Variants in PRKN observed in about 807,000 individuals in gnomAD.
PRKN encodes the protein E3 ubiquitin-protein ligase parkin.
In PRKN, 56 loss-of-function variants were observed where a neutral mutation model predicts 59.5. That is an observed-to-expected ratio of 0.94 (90% CI 0.76 to 1.18). The LOEUF is 1.18. Ranked by LOEUF, PRKN falls within the 50% of genes most tolerant of loss-of-function variation. The pLI is 0.00. For missense variants in PRKN, 657 were observed against 596.4 expected (o/e 1.10, Z -1.06); for synonymous variants, 250 against 222.1 (o/e 1.13, Z -1.12).
At chr6:161,663,173 C>T (rs1784608643) in intron 7 of PRKN, among the ~76,000 whole-genome samples, 1 of 152,160 alleles carries the variant, frequency 6.6e-6, no homozygotes, top group Admixed American at 6.5e-5. Flanking sequence ...ACTGTGAGTC[C>T]ATTATGCCTC....
At chr6:162,304,297 C>T in intron 2 of PRKN, among the ~76,000 whole-genome samples, 1 of 150,602 alleles carries the variant, frequency 6.6e-6, no homozygotes, top group East Asian at 1.9e-4. Flanking sequence ...CCTATGTACA[C>T]ACTATAGAAA....
chr6:161,710,068 T>C (rs1180196371), intron 7 of PRKN, among the ~76,000 whole-genome samples: 5 of 152,042 alleles, frequency 3.3e-5, no homozygotes, highest in Non-Finnish European at 7.4e-5. Context: ...AAATTGGTAT[T>C]TGCATATATT....
chr6:161,642,572 A>T (rs534219048), intron 7 of PRKN, among the ~76,000 whole-genome samples: 12 of 152,132 alleles, frequency 7.9e-5, no homozygotes, highest in South Asian at 4.1e-4. Flanking sequence ...ATCACTTTTT[A>T]AAAAAAGACA....
chr6:162,165,184 G>C (rs534556315), intron 4 of PRKN, among the ~76,000 whole-genome samples: 11 of 148,724 alleles, frequency 7.4e-5, no homozygotes, highest in Non-Finnish European at 1.2e-4. Context: ...TACATATGTT[G>C]GATCCTAAAC....
rs550173775 is a variant in PRKN at position 161,837,575 on chromosome 6, TA to T, written c.735-51668del. 2.3e-3 allele frequency among the ~76,000 whole-genome samples: 321 copies of T among 136,816 alleles called. 3 individuals are homozygous for T. Among genetic ancestry groups the T allele is most frequent in the East Asian group, 0.012 (57 of 4,740 alleles). The allele number at this position is 136,816 out of a possible 152,430, so 89.8% of individuals were successfully genotyped here. Reference sequence around the variant, plus strand: ...CTGGGTGTCTGGGTTTTTTTTCCTTTAAAAAAAAAAAAAACAACCCATACAT... The same window carrying T: ...CTGGGTGTCTGGGTTTTTTTTCCTTTAAAAAAAAAAAAACAACCCATACAT... On this transcript the variant is annotated intron_variant, in intron 6 of 11. Transcript: ENST00000366898.
At chr6:162,572,334 T>G (rs1264686806) in intron 1 of PRKN, among the ~76,000 whole-genome samples, 2 of 152,176 alleles carry the variant, frequency 1.3e-5, no homozygotes, top group African/African-American at 4.8e-5. Flanking sequence ...TCAGCACTCG[T>G]GAAAAAGAAT....
At chr6:162,038,702 G>A (rs1783941682) in intron 5 of PRKN, among the ~76,000 whole-genome samples, 1 of 152,186 alleles carries the variant, frequency 6.6e-6, no homozygotes, top group South Asian at 2.1e-4. Context: ...TGTCACTGAT[G>A]TTGACTTGAA....
chr6:162,037,818 T>G (rs1160595855), intron 5 of PRKN, among the ~76,000 whole-genome samples: 1 of 152,076 alleles, frequency 6.6e-6, no homozygotes, highest in Non-Finnish European at 1.5e-5. Context: ...GTGCTGGGAT[T>G]ACAGGCATGA....
intron 7 of PRKN, among the ~76,000 whole-genome samples, chr6:161,680,771 A>ATTTTTTTTTT (rs1174510072): frequency 1.1e-4 from 2 of 18,070 alleles, no homozygotes; most frequent in African/African-American, 3.2e-4. Flanking sequence ...ATATATATAT[A>ATTTTTTTTTT]TATATTTTTT....
At chr6:162,640,985 T>A (rs1339743680) in intron 1 of PRKN, among the ~76,000 whole-genome samples, 1 of 152,142 alleles carries the variant, frequency 6.6e-6, no homozygotes, top group African/African-American at 2.4e-5. Flanking sequence ...AATTTCTTTT[T>A]TGGGATAGAG....
chr6:161,937,356 C>T (rs529986419), intron 6 of PRKN, among the ~76,000 whole-genome samples: 3 of 152,138 alleles, frequency 2.0e-5, no homozygotes, highest in Non-Finnish European at 2.9e-5. Context: ...ACACTGATAT[C>T]AACTCATATA....
intron 6 of PRKN, among the ~76,000 whole-genome samples, chr6:161,850,574 CAA>C (rs10651778): frequency 4.5e-5 from 4 of 88,260 alleles, no homozygotes; most frequent in African/African-American, 9.2e-5. Flanking sequence ...GACTACGTCT[CAA>C]AAAAAAAAAA....
At chr6:162,533,970 CAAA>C (rs139214272) in intron 1 of PRKN, among the ~76,000 whole-genome samples, 10 of 82,904 alleles carry the variant, frequency 1.2e-4, no homozygotes, top group Non-Finnish European at 1.3e-4. Context: ...GACTCCATCT[CAAA>C]AAAAAAAAAA....
At position 161,462,153 on chromosome 6, in the gene PRKN, C is replaced by T. The variant is rs139451422; in HGVS notation, c.1084-75276G>A. ...GTAGGGACCTACACATGCTTTGTCT[C>T]ATCCTTTTCATCTTTGCACAATATT... On this transcript the variant is annotated intron_variant, in intron 9 of 11. Transcript: ENST00000366898. The surrounding 1 kb of genome is among the most constrained non-coding windows in gnomAD (Gnocchi z 4.5). Among the ~76,000 whole-genome samples the T allele has an allele frequency of 4.3e-4, 65 of 152,336 alleles. No homozygotes were observed. The East Asian group carries it at 0.012, about 29-fold the overall frequency.
intron 1 of PRKN, among the ~76,000 whole-genome samples, chr6:162,457,728 T>C (rs1790946378): frequency 1.3e-5 from 2 of 151,018 alleles, no homozygotes; most frequent in African/African-American, 4.9e-5. Context: ...GTGTTTGTCT[T>C]ATTAATAATG....
intron 6 of PRKN, among the ~76,000 whole-genome samples, chr6:161,871,451 A>G (rs1295162079): frequency 6.6e-6 from 1 of 152,200 alleles, no homozygotes; most frequent in African/African-American, 2.4e-5. Flanking sequence ...GCACACACTT[A>G]GAACTCAGGG....
intron 1 of PRKN, among the ~76,000 whole-genome samples, chr6:162,546,664 G>C (rs533369785): frequency 5.7e-4 from 86 of 152,000 alleles, no homozygotes; most frequent in African/African-American, 2.0e-3. Context: ...GGATGGTCTC[G>C]AACTCCTGAC....
intron 3 of PRKN, among the ~76,000 whole-genome samples, chr6:162,248,988 C>T (rs1210711924): frequency 6.6e-6 from 1 of 151,914 alleles, no homozygotes; most frequent in Non-Finnish European, 1.5e-5. Flanking sequence ...AGTGGATTCT[C>T]CTGCCTCAGC....
chr6:161,725,380 C>G (rs1457745262), intron 7 of PRKN, among the ~76,000 whole-genome samples: 1 of 152,116 alleles, frequency 6.6e-6, no homozygotes, highest in East Asian at 1.9e-4. Flanking sequence ...GTAAGAACTA[C>G]ATTACTTGGT....
Sources: allele counts gnomAD v4.1 joint callset (sites outside exome capture counted in the v4.1 genomes callset), GRCh38; gene constraint gnomAD v4.1.1; non-coding constraint Gnocchi (gnomAD v3.1); transcripts MANE v1.5; gene names NCBI Gene and HGNC (gene_info 2026-07-23, HGNC 2026-07-21).